Variants in STAG1 observed in about 807,000 individuals in gnomAD.
STAG1 encodes the protein cohesin subunit SA-1.
In STAG1, 26 loss-of-function variants were observed where a neutral mutation model predicts 170.9. That is an observed-to-expected ratio of 0.15 (90% confidence interval 0.11 to 0.21). The LOEUF is 0.21. Ranked by LOEUF, STAG1 falls within the 10% of genes least tolerant of loss-of-function variation. The probability of loss-of-function intolerance (pLI) is 1.00; values close to 1 mark genes in which losing one functional copy is unlikely to be tolerated. For synonymous variants in STAG1, 514 were observed against 497.7 expected (o/e 1.03, Z -0.44); for missense variants, 964 against 1,509.5 (o/e 0.64, Z 5.99).
chr3:136,541,538 T>TCACACACACACACACACACTCACACACA (rs1473951429), intron 6 of STAG1, among the ~76,000 whole-genome samples: 162 of 123,214 alleles, frequency 1.3e-3, no homozygotes, highest in Non-Finnish European at 2.2e-3. Context: ...AGCTTAACAT[T>TCACACACACACACACACACTCACACACA]CACACACACA....
intron 23 of STAG1, among the ~76,000 whole-genome samples, chr3:136,370,075 AC>A (rs1937245518): frequency 6.7e-6 from 1 of 149,788 alleles, no homozygotes. Flanking sequence ...ACTATACTAT[AC>A]TATACTATAC....
chr3:136,751,740 G>A (rs1243258492), intron 1 of STAG1, among the ~76,000 whole-genome samples: 2 of 151,850 alleles, frequency 1.3e-5, no homozygotes, highest in Non-Finnish European at 2.9e-5. Flanking sequence ...GGCAGGCGGC[G>A]GAAGGCATTC....
chr3:136,708,346 A>T (rs1337116301), intron 1 of STAG1, among the ~76,000 whole-genome samples: 1 of 152,038 alleles, frequency 6.6e-6, no homozygotes, highest in Non-Finnish European at 1.5e-5. Flanking sequence ...CATTGAAAAC[A>T]TGACACTAAG....
At chr3:136,700,718 A>C (rs1351688770) in intron 1 of STAG1, among the ~76,000 whole-genome samples, 1 of 151,664 alleles carries the variant, frequency 6.6e-6, no homozygotes, top group Non-Finnish European at 1.5e-5. Context: ...CCATAGAGCT[A>C]GCCACAGAAC....
chr3:136,610,867 A>G (rs1939240526), intron 3 of STAG1, among the ~76,000 whole-genome samples: 3 of 152,112 alleles, frequency 2.0e-5, no homozygotes, highest in Admixed American at 6.6e-5. Flanking sequence ...AATCCTGTGT[A>G]TTGCCCATTC....
At chr3:136,641,462 T>C (rs1940797249) in intron 1 of STAG1, among the ~76,000 whole-genome samples, 1 of 152,184 alleles carries the variant, frequency 6.6e-6, no homozygotes, top group Non-Finnish European at 1.5e-5. Context: ...TAGTGAGACA[T>C]ATTAACAGGG....
intron 1 of STAG1, among the ~76,000 whole-genome samples, chr3:136,638,794 C>T (rs1046115490): frequency 5.3e-5 from 8 of 151,934 alleles, no homozygotes; most frequent in Non-Finnish European, 8.8e-5. Context: ...CCTAACTACT[C>T]GGGAAGCTGA....
intron 7 of STAG1, among the ~76,000 whole-genome samples, chr3:136,511,898 T>C (rs1222286038): frequency 1.3e-5 from 2 of 151,208 alleles, no homozygotes; most frequent in African/African-American, 2.4e-5. Context: ...AGCAGGAGGA[T>C]GAGCAGAGAG....
chr3:136,597,488 A>G (rs749097995), intron 4 of STAG1, among the ~76,000 whole-genome samples: 2 of 152,182 alleles, frequency 1.3e-5, no homozygotes, highest in African/African-American at 4.8e-5. Flanking sequence ...TAATTACTCA[A>G]TATGATGGGT....
At chr3:136,488,423 T>G (rs2090059250) in intron 9 of STAG1, among the ~76,000 whole-genome samples, 1 of 152,300 alleles carries the variant, frequency 6.6e-6, no homozygotes, top group South Asian at 2.1e-4. Context: ...GCCCCCAGCC[T>G]GAGATAAATA....
At chr3:136,461,554 C>A in intron 13 of STAG1, among the ~76,000 whole-genome samples, 1 of 143,564 alleles carries the variant, frequency 7.0e-6, no homozygotes, top group African/African-American at 2.6e-5. Context: ...GTCAAGAAGT[C>A]AATCCCATTT....
intron 1 of STAG1, among the ~76,000 whole-genome samples, chr3:136,665,796 C>A (rs1418811239): frequency 2.2e-5 from 3 of 138,438 alleles, no homozygotes; most frequent in African/African-American, 8.0e-5. Context: ...AAAAAAAAGG[C>A]CAGGTACAGT....
At chr3:136,401,013 T>C (rs1295332414) in intron 21 of STAG1, among the ~76,000 whole-genome samples, 8 of 152,170 alleles carry the variant, frequency 5.3e-5, no homozygotes, top group Non-Finnish European at 8.8e-5. Flanking sequence ...ACAAAGTAGT[T>C]TGGGAAAAGA....
intron 6 of STAG1, among the ~76,000 whole-genome samples, chr3:136,534,453 AAAC>A (rs1935525945): frequency 6.6e-6 from 1 of 152,178 alleles, no homozygotes; most frequent in African/African-American, 2.4e-5. Flanking sequence ...CAAGCAAAGA[AAAC>A]AACAGAGTGA....
chr3:136,372,772 G>A (rs1363124584), intron 23 of STAG1, among the ~76,000 whole-genome samples: 1 of 152,114 alleles, frequency 6.6e-6, no homozygotes, highest in African/African-American at 2.4e-5. Flanking sequence ...GAGCATTTTT[G>A]CATCAATGTT....
chr3:136,433,873 G>C (rs1236500216), intron 15 of STAG1, among the ~76,000 whole-genome samples: 1 of 151,926 alleles, frequency 6.6e-6, no homozygotes, highest in Non-Finnish European at 1.5e-5. Context: ...TAAAGAATAA[G>C]AGGATAAACT....
chr3:136,551,241 GA>G (rs1936380009), intron 5 of STAG1, among the ~76,000 whole-genome samples: 4 of 146,668 alleles, frequency 2.7e-5, no homozygotes, highest in South Asian at 2.2e-4. Context: ...GAGAGAGAGA[GA>G]GAGAGAGAGA....
intron 6 of STAG1, among the ~76,000 whole-genome samples, chr3:136,525,627 C>G (rs1014292772): frequency 3.9e-5 from 6 of 152,122 alleles, no homozygotes; most frequent in Non-Finnish European, 7.3e-5. Flanking sequence ...TTATTTCTTG[C>G]TTTCTGCTAG....
At chr3:136,502,097 C>T (rs1276792392) in intron 8 of STAG1, among the ~76,000 whole-genome samples, 2 of 151,940 alleles carry the variant, frequency 1.3e-5, no homozygotes, top group African/African-American at 4.8e-5. Flanking sequence ...AGGAGAATTG[C>T]TTTTGGGGAG....
Sources: allele counts gnomAD v4.1 joint callset (sites outside exome capture counted in the v4.1 genomes callset), GRCh38; gene constraint gnomAD v4.1.1; transcripts MANE v1.5; gene names NCBI Gene and HGNC (gene_info 2026-07-23, HGNC 2026-07-21).